BMP2K: variants seen among roughly 807,000 people sequenced by gnomAD.
BMP2K encodes BMP-2-inducible protein kinase.
Under a neutral mutation model 116.0 loss-of-function variants are expected in BMP2K, and 74 were observed. The observed-to-expected ratio is 0.64, with a 90% CI of 0.53 to 0.77. The LOEUF (loss-of-function observed/expected upper bound fraction) is 0.77. Among genes scored for constraint, BMP2K ranks in the 30% least tolerant of loss-of-function variants. BMP2K has a pLI of 0.00. For missense variants in BMP2K, 1,365 were observed against 1,403.6 expected, an observed-to-expected ratio of 0.97 and a Z score of 0.44; for synonymous variants, 486 against 502.5, an observed-to-expected ratio of 0.97 and a Z score of 0.44.
At position 78,833,516 on chromosome 4, in the gene BMP2K, A is replaced by G. The variant is rs1460421595; in HGVS notation, c.298-66A>G. ...ATTCTTTACATTAATTTAGGCTTCA[A>G]ACCATTACTAATTCTATACCTTTAA... is the stretch of plus-strand genomic sequence containing the variant. On this transcript the variant is annotated intron_variant, in intron 2 of 15. Coordinates refer to ENST00000502613, the MANE Select transcript of BMP2K (RefSeq NM_198892.2). 4.6e-6 allele frequency: 5 copies of G among 1,078,370 alleles called. No individual in the cohort carries two copies. The Admixed American group carries it at 1.2e-4, about 26-fold the overall frequency. The allele number at this position is 1,078,370 out of a possible 1,614,324, so 66.8% of individuals were successfully genotyped here. A position where few individuals can be genotyped will look rare whatever the true frequency, so the allele number is the denominator to read the frequency against.
intron 10 of BMP2K, among the ~76,000 whole-genome samples, chr4:78,866,389 T>C (rs1732050467): frequency 6.6e-6 from 1 of 152,198 alleles, no homozygotes; most frequent in Admixed American, 6.5e-5. Context: ...AATGTTAAAA[T>C]GTTTTTAATG....
In BMP2K at chr4:78,860,559, T is replaced by C. The variant is rs1412531896; in HGVS notation, c.988-830T>C. On this transcript the variant is annotated intron_variant, in intron 8 of 15. Transcript: ENST00000502613. ...TATTATTCAAAAGCTTTCAATTTTA[T>C]TCACTGACTGTACAGTGCATTTAAC... Among the ~76,000 whole-genome samples the C allele has an allele frequency of 3.3e-5, 5 of 151,884 alleles. No individual in the cohort carries two copies. In the East Asian group the frequency reaches 5.8e-4, roughly 18 times the overall value.
rs146220272 is a variant in BMP2K, at chr4:78,793,921, C to A, written c.178+17200C>A. Among the ~76,000 whole-genome samples, 328 of 151,934 alleles carry A rather than the reference C, an allele frequency of 2.2e-3. 1 individual carries two copies. The highest frequency in any genetic ancestry group is 7.5e-3 in the African/African-American group (311 of 41,442). On this transcript the variant is annotated intron_variant, in intron 1 of 15. Coordinates refer to ENST00000502613, the MANE Select transcript of BMP2K (RefSeq NM_198892.2). ...AGAACATTTAAAATTTTATATGTGG[C>A]TCACATTATATTGGACATACTGGAC...
chr4:78,909,561 A>G (rs1734473702), intron 15 of BMP2K, among the ~76,000 whole-genome samples: 1 of 152,104 alleles, frequency 6.6e-6, no homozygotes, highest in Admixed American at 6.5e-5. Flanking sequence ...TCCAGCCACA[A>G]TAGCCTATTT....
chr4:78,791,260 G>C (rs937581592), intron 1 of BMP2K, among the ~76,000 whole-genome samples: 9 of 152,032 alleles, frequency 5.9e-5, no homozygotes, highest in African/African-American at 2.2e-4. Context: ...CAAGGGAAAG[G>C]GTCCTCAAGA....
At position 78,847,156 on chromosome 4, in the gene BMP2K, A is replaced by C. The variant is rs56320964; in HGVS notation, c.669-32A>C. 5,917 of 1,175,550 alleles carry C rather than the reference A, an allele frequency of 5.0e-3. 33 individuals carry two copies. Among genetic ancestry groups the C allele is most frequent in the South Asian group, 7.0e-3 (359 of 51,038 alleles). The allele number at this position is 1,175,550 out of a possible 1,614,324, so 72.8% of individuals were successfully genotyped here. ...GTCTTTTTTTTATATATATATATAT[A>C]TCTCCACTCCATTTCACTCATTTAC... On this transcript the variant is annotated intron_variant, in intron 5 of 15. Transcript: ENST00000502613.
chr4:78,884,906 A>T (rs1733008435), intron 14 of BMP2K, among the ~76,000 whole-genome samples: 1 of 152,218 alleles, frequency 6.6e-6, no homozygotes, highest in African/African-American at 2.4e-5. Context: ...ATGTTATGGG[A>T]CTAGCTACTC....
chr4:78,807,075 C>A (rs1728859220), intron 1 of BMP2K, among the ~76,000 whole-genome samples: 1 of 152,076 alleles, frequency 6.6e-6, no homozygotes, highest in Non-Finnish European at 1.5e-5. Context: ...TGGTCTTGAA[C>A]TCCTGACCTC....
chr4:78,910,259 G>A (rs1470520419), intron 15 of BMP2K, among the ~76,000 whole-genome samples: 1 of 152,206 alleles, frequency 6.6e-6, no homozygotes, highest in Non-Finnish European at 1.5e-5. Flanking sequence ...TGTGAAATCT[G>A]AGCTTTCAGA....
At chr4:78,814,805 A>C (rs1261980134) in intron 1 of BMP2K, among the ~76,000 whole-genome samples, 2 of 152,084 alleles carry the variant, frequency 1.3e-5, no homozygotes, top group Non-Finnish European at 2.9e-5. Context: ...TTTCCCTTTC[A>C]TAACTTTTTA....
At chr4:78,850,609 GT>G (rs1471417229) in intron 6 of BMP2K, among the ~76,000 whole-genome samples, 1 of 151,788 alleles carries the variant, frequency 6.6e-6, no homozygotes, top group Non-Finnish European at 1.5e-5. Context: ...TTATATGCTA[GT>G]TATGTATTAA....
intron 15 of BMP2K, among the ~76,000 whole-genome samples, chr4:78,896,187 A>G (rs1015700049): frequency 6.6e-6 from 1 of 152,176 alleles, no homozygotes; most frequent in Non-Finnish European, 1.5e-5. Context: ...ACAACTAATA[A>G]TCCTACTGTC....
At chr4:78,840,783 C>T (rs1038095640) in intron 3 of BMP2K, among the ~76,000 whole-genome samples, 2 of 151,944 alleles carry the variant, frequency 1.3e-5, no homozygotes, top group Non-Finnish European at 1.5e-5. Context: ...CTTCAAAGGT[C>T]TCTGGACAGA....
At chr4:78,902,533 A>G (rs1196418688) in intron 15 of BMP2K, among the ~76,000 whole-genome samples, 3 of 152,098 alleles carry the variant, frequency 2.0e-5, no homozygotes, top group Non-Finnish European at 2.9e-5. Context: ...TGCCAATTCA[A>G]AGTGAACTTT....
chr4:78,849,234 A>G (rs184010834), intron 6 of BMP2K, among the ~76,000 whole-genome samples: 2 of 151,476 alleles, frequency 1.3e-5, no homozygotes, highest in South Asian at 2.1e-4. Context: ...TTACCTATTA[A>G]TGAAGAAAAT....
Position 78,818,226 on chromosome 4 carries a change from A to G in BMP2K, c.179-7811A>G, listed in dbSNP as rs570744926. On this transcript the variant is annotated intron_variant, in intron 1 of 15. Coordinates refer to ENST00000502613, the MANE Select transcript of BMP2K (RefSeq NM_198892.2). ...CCATGGTGGTTTGCTGCACCCATCAACCCTTTGGATATATACCCATCATAA... is the reference window on the plus strand; with the variant it reads ...CCATGGTGGTTTGCTGCACCCATCAGCCCTTTGGATATATACCCATCATAA... Among the ~76,000 whole-genome samples, 9 of 152,294 alleles carry G rather than the reference A, an allele frequency of 5.9e-5. No homozygotes were observed. In the East Asian group the frequency reaches 1.5e-3, roughly 26 times the overall value.
rs139086449 is a variant in BMP2K, at chr4:78,872,634, T to C, written c.1629T>C (p.Ala543=). ...YPTMMPQYQQ[A]FFQQQMLAQH... ...TTCAGATGCCGCAGTATCAGCAGGCTTTCTTTCAACAGCAGATGCTAGCTC... is the reference window on the plus strand; with the variant it reads ...TTCAGATGCCGCAGTATCAGCAGGCCTTCTTTCAACAGCAGATGCTAGCTC... The change falls in exon 13 of 16, where the codon GCT becomes GCC. Residue 543 remains alanine (A), a synonymous_variant. Coordinates refer to ENST00000502613, the MANE Select transcript of BMP2K (RefSeq NM_198892.2). 8.2e-4 allele frequency: 1,321 copies of C among 1,614,082 alleles called. No homozygotes were observed. The highest frequency in any genetic ancestry group is 1.1e-3 in the Non-Finnish European group (1,250 of 1,179,970).
intron 14 of BMP2K, among the ~76,000 whole-genome samples, chr4:78,885,001 G>GTTAATATCTTGAAAAATACA (rs1462543885): frequency 1.3e-5 from 2 of 152,130 alleles, no homozygotes; most frequent in East Asian, 3.8e-4. Context: ...TAAGTATACA[G>GTTAATATCTTGAAAAATACA]TTAATATCTT....
rs931876931 is a variant in BMP2K, at chr4:78,826,075, G to A, written c.217G>A (p.Gly73Arg). 2.5e-6 allele frequency: 4 copies of A among 1,613,880 alleles called. No individual in the cohort carries two copies. The highest frequency in any genetic ancestry group is 3.4e-6 in the Non-Finnish European group (4 of 1,179,938). The change falls in exon 2 of 16, where the codon GGA (glycine) becomes AGA (arginine). Residue 73 changes from glycine to arginine, a missense_variant. Coordinates refer to ENST00000502613, the MANE Select transcript of BMP2K (RefSeq NM_198892.2). ...AGTTTTCCTCGTGCGTACTCACGGT[G>A]GAATCCGATGTGCATTGAAGCGAAT... ...STVFLVRTHG[G>R]IRCALKRMYV...
Sources: gnomAD v4.1 joint callset for allele counts (sites outside exome capture counted in the v4.1 genomes callset) on GRCh38, gnomAD v4.1.1 for gene constraint, MANE v1.5 for transcripts, NCBI Gene and HGNC (gene_info 2026-07-23, HGNC 2026-07-21) for gene names.